Variants in EVA1C observed in about 807,000 individuals in gnomAD.
The protein encoded by EVA1C is eva-1 homolog C.
EVA1C carries 25 observed loss-of-function variants against 45.4 expected under a neutral mutation model. The observed-to-expected ratio is 0.55, with a 90% CI of 0.40 to 0.77. The LOEUF (loss-of-function observed/expected upper bound fraction) is 0.77, where lower values mean the gene tolerates loss of function less well. EVA1C is among the 30% of genes least tolerant of loss of function. EVA1C has a pLI of 0.00. For missense variants in EVA1C, 479 were observed against 554.8 expected, an observed-to-expected ratio of 0.86 and a Z score of 1.37; for synonymous variants, 190 against 221.2, an observed-to-expected ratio of 0.86 and a Z score of 1.25.
chr21:32,426,992 C>A (rs2034514124), intron 1 of EVA1C, among the ~76,000 whole-genome samples: 1 of 152,132 alleles, frequency 6.6e-6, no homozygotes. Context: ...TGGCTCTTGG[C>A]ACTGAAGAAA....
chr21:32,487,638 C>T (rs1250220670), intron 4 of EVA1C, among the ~76,000 whole-genome samples: 2 of 151,372 alleles, frequency 1.3e-5, no homozygotes, highest in African/African-American at 2.4e-5. Context: ...GAGAATTGCT[C>T]GAATCCAGGA....
intron 1 of EVA1C, among the ~76,000 whole-genome samples, chr21:32,438,133 A>T (rs2035032602): frequency 6.6e-6 from 1 of 152,088 alleles, no homozygotes; most frequent in Non-Finnish European, 1.5e-5. Flanking sequence ...CTCCAACTCA[A>T]CTTGATGCAT....
rs749141072 is a variant in EVA1C, at chr21:32,412,870, G to C, written c.17G>C (p.Arg6Pro). The change falls in exon 1 of 8, where the codon CGC becomes CCC. Residue 6 changes from arginine (R) to proline (P), a missense_variant. Coordinates refer to ENST00000300255, the MANE Select transcript of EVA1C (RefSeq NM_058187.5). The stretch of plus-strand genomic sequence containing the variant: ...CAGCGCACGATGCTTCTGCCGGGAC[G>C]CGCACGCCAACCGCCGACGCCCCAG... Reference protein sequence around the residue: MLLPGRARQPPTPQPV... With the variant: MLLPGPARQPPTPQPV... The C allele has an allele frequency of 7.4e-5, 110 of 1,495,190 alleles. No homozygotes were observed. The East Asian group carries it at 3.0e-3, about 40-fold the overall frequency. 92.6% of individuals were successfully genotyped at this position (1,495,190 alleles called of 1,614,324 possible). A position where few individuals can be genotyped will look rare whatever the true frequency, so the allele number is the denominator to read the frequency against.
At chr21:32,429,241 A>C (rs1278478139) in intron 1 of EVA1C, among the ~76,000 whole-genome samples, 2 of 152,076 alleles carry the variant, frequency 1.3e-5, no homozygotes, top group Admixed American at 6.6e-5. Flanking sequence ...GGATTTCACC[A>C]TGTTGGCTAG....
intron 3 of EVA1C, 40 bp downstream of exon 3, chr21:32,457,760 G>T (rs376876019): frequency 6.2e-7 from 1 of 1,611,928 alleles, no homozygotes; most frequent in Non-Finnish European, 8.5e-7. Context: ...TTGGGGTGTG[G>T]TTCTCGTTTC....
chr21:32,418,201 G>T lies in EVA1C; in HGVS notation c.160+5188G>T, dbSNP rs990992140. ...CAGTCACATCATCCTTTTTATTCAA[G>T]ATTTATCTTTACTTTAAAAAAATTT... On this transcript the variant is annotated intron_variant, in intron 1 of 7. Transcript: ENST00000300255. Among the ~76,000 whole-genome samples the T allele has an allele frequency of 2.0e-5, 3 of 152,196 alleles. No homozygotes were observed. In the East Asian group the frequency reaches 5.8e-4, roughly 29 times the overall value.
intron 2 of EVA1C, among the ~76,000 whole-genome samples, chr21:32,456,949 T>G (rs1416500362): frequency 6.6e-6 from 1 of 152,192 alleles, no homozygotes; most frequent in Non-Finnish European, 1.5e-5. Flanking sequence ...AAGCCTTTAC[T>G]GCCAATGCTC....
intron 1 of EVA1C, among the ~76,000 whole-genome samples, chr21:32,429,055 C>G (rs183578310): frequency 3.3e-5 from 5 of 152,268 alleles, no homozygotes; most frequent in Admixed American, 6.5e-5. Context: ...GGGTCTCGCT[C>G]TGTCGCCCAG....
rs200288953 is a variant in EVA1C at position 32,467,842 on chromosome 21, C to G, written c.628C>G (p.Pro210Ala). ...ICSSKAERLP[P>A]FDCLSYSALQ... ...CTCCTCCAAGGCAGAGCGGCTCCCC[C>G]CTTTCGGTATGTGCTTTTGTGTGTG... The change falls in exon 4 of 8, where the codon CCT becomes GCT. Residue 210 changes from proline to alanine, a missense_variant. Pro to Ala is a conservative substitution (Grantham distance 27). Around this residue, in one of 3 missense-constraint regions of EVA1C, gnomAD observed 366 missense variants for 426.1 expected, o/e 0.86. Coordinates refer to ENST00000300255, the MANE Select transcript of EVA1C (RefSeq NM_058187.5). 1.6e-4 allele frequency: 265 copies of G among 1,607,910 alleles called. 4 individuals are homozygous for G. In the Middle Eastern group the frequency reaches 1.8e-3, roughly 11 times the overall value.
chr21:32,425,515 C>T (rs1361062095), intron 1 of EVA1C, among the ~76,000 whole-genome samples: 1 of 151,950 alleles, frequency 6.6e-6, no homozygotes, highest in African/African-American at 2.4e-5. Context: ...TTAGAGCTCT[C>T]AAAAACCATA....
Position 32,440,891 on chromosome 21 carries a change from G to A in EVA1C, c.161-12421G>A, listed in dbSNP as rs560206841. On this transcript the variant is annotated intron_variant, in intron 1 of 7. Coordinates refer to ENST00000300255, the MANE Select transcript of EVA1C (RefSeq NM_058187.5). ...CGAGGCGGGCAGATCACCTGAGGTC[G>A]GAAGTTTGAGACCAGCCTGACCAAC... Among the ~76,000 whole-genome samples, 69 of 152,152 alleles carry A rather than the reference G, an allele frequency of 4.5e-4. 1 individual carries two copies. The South Asian group carries it at 0.013, about 29-fold the overall frequency.
chr21:32,476,257 T>TTTTTG (rs1259743985), intron 4 of EVA1C, among the ~76,000 whole-genome samples: 7 of 151,526 alleles, frequency 4.6e-5, no homozygotes, highest in Non-Finnish European at 7.4e-5. Context: ...ATCCTCGGGT[T>TTTTTG]TTTTGTTTTG....
chr21:32,495,257 A>G, intron 5 of EVA1C, 87 bp downstream of exon 5: 3 of 1,441,150 alleles, frequency 2.1e-6, no homozygotes, highest in Non-Finnish European at 2.9e-6. Flanking sequence ...GAGTTTGCCC[A>G]GAACAAGCCA....
chr21:32,446,705 T>C (rs561710367), intron 1 of EVA1C, among the ~76,000 whole-genome samples: 1 of 152,278 alleles, frequency 6.6e-6, no homozygotes, highest in East Asian at 1.9e-4. Context: ...AGCTGGCTCC[T>C]GCTCCACCCC....
intron 5 of EVA1C, 137 bp downstream of exon 5, chr21:32,495,307 C>G: frequency 2.7e-6 from 2 of 746,624 alleles, no homozygotes; most frequent in South Asian, 4.8e-5. Context: ...ATCCCAGATA[C>G]CCGAGAGCCC....
intron 6 of EVA1C, among the ~76,000 whole-genome samples, chr21:32,503,222 A>C (rs1027816057): frequency 5.9e-5 from 9 of 152,226 alleles, no homozygotes; most frequent in African/African-American, 2.2e-4. Context: ...ATCTCTGGCC[A>C]CACAGCAGAC....
intron 1 of EVA1C, among the ~76,000 whole-genome samples, chr21:32,430,350 C>A (rs185479243): frequency 6.6e-5 from 10 of 152,186 alleles, no homozygotes; most frequent in African/African-American, 2.2e-4. Flanking sequence ...AATGACAGGA[C>A]CCGCCAGCAA....
At chr21:32,486,419 C>A (rs1213648600) in intron 4 of EVA1C, among the ~76,000 whole-genome samples, 4 of 152,182 alleles carry the variant, frequency 2.6e-5, no homozygotes, top group African/African-American at 4.8e-5. Context: ...GCCACCGCAC[C>A]CGGCCCTTAC....
At chr21:32,451,233 G>T (rs1223354205) in intron 1 of EVA1C, among the ~76,000 whole-genome samples, 2 of 152,150 alleles carry the variant, frequency 1.3e-5, no homozygotes, top group Admixed American at 6.5e-5. Context: ...CAGGAATCGG[G>T]AAGTTCCTAA....
Sources: gnomAD v4.1 joint callset for allele counts (sites outside exome capture counted in the v4.1 genomes callset) on GRCh38, gnomAD v4.1.1 for gene constraint, gnomAD v4.1.1 regional missense constraint, MANE v1.5 for transcripts, NCBI Gene and HGNC (gene_info 2026-07-23, HGNC 2026-07-21) for gene names.